The following MND1 variants were observed in gnomAD, a reference collection of about 807,000 sequenced individuals.
MND1 encodes meiotic nuclear divisions 1.
A neutral mutation model predicts 35.1 loss-of-function variants in MND1; 28 were observed. The observed-to-expected ratio is 0.80, with a 90% CI of 0.59 to 1.09. MND1 has a LOEUF of 1.09. MND1 is among the 50% of genes least tolerant of loss of function. The pLI is 0.00. For missense variants in MND1, 213 were observed against 239.6 expected (o/e 0.89, Z 0.73); for synonymous variants, 69 against 70.5 (o/e 0.98, Z 0.11).
intron 4 of MND1, among the ~76,000 whole-genome samples, chr4:153,368,084 G>A (rs1773701712): frequency 6.6e-6 from 1 of 152,114 alleles, no homozygotes; most frequent in Admixed American, 6.6e-5. Flanking sequence ...TCATCACTCA[G>A]CAAATTTTTA....
intron 4 of MND1, among the ~76,000 whole-genome samples, chr4:153,381,142 G>A (rs6836951): frequency 0.54 from 81,603 of 151,834 alleles, 23,970 homozygotes; most frequent in African/African-American, 0.8. Flanking sequence ...CTTGTGATCC[G>A]CCTGCCTCGG....
chr4:153,387,643 G>A (rs1048440998), intron 4 of MND1, among the ~76,000 whole-genome samples: 2 of 152,032 alleles, frequency 1.3e-5, no homozygotes, highest in African/African-American at 4.8e-5. Flanking sequence ...GTGCCTACCT[G>A]TAGTCGTAGC....
chr4:153,346,921 C>T (rs1773090286), intron 1 of MND1, among the ~76,000 whole-genome samples: 1 of 152,178 alleles, frequency 6.6e-6, no homozygotes, highest in East Asian at 1.9e-4. Context: ...TGCCCCGCAG[C>T]GCCCTTGACA....
rs1728675853 is a variant in MND1 at position 153,381,338 on chromosome 4, A to G, written c.277-12924A>G. On this transcript the variant is annotated intron_variant, in intron 4 of 7. Coordinates refer to ENST00000240488, the MANE Select transcript of MND1 (RefSeq NM_032117.4). ...AGATGAACCTGAGAAGGCTGACCCT[A>G]CAGCTATAGAATTCCCATTCCCAAA... Among the ~76,000 whole-genome samples, 3 of 151,866 alleles carry G rather than the reference A, an allele frequency of 2.0e-5. No homozygotes were observed. The South Asian group carries it at 6.2e-4, about 32-fold the overall frequency.
At chr4:153,358,450 G>C (rs1283857411) in intron 3 of MND1, 24 bp from the exon 4 acceptor site, 1 of 1,555,278 alleles carries the variant, frequency 6.4e-7, no homozygotes, top group South Asian at 1.3e-5. Flanking sequence ...TTCTAACATA[G>C]AGTCTTTAAA....
intron 4 of MND1, among the ~76,000 whole-genome samples, chr4:153,358,825 A>G (rs185620609): frequency 2.6e-5 from 4 of 152,264 alleles, no homozygotes; most frequent in Admixed American, 2.6e-4. Flanking sequence ...ATGTCAAGAT[A>G]TTGTTTTTGT....
chr4:153,361,380 T>C (rs1773486410), intron 4 of MND1: 3 of 439,712 alleles, frequency 6.8e-6, no homozygotes, highest in Admixed American at 2.5e-5. Flanking sequence ...TCATTCTGAT[T>C]GTCTTGTTTT....
At chr4:153,361,123 C>T (rs573238871) in intron 4 of MND1, among the ~76,000 whole-genome samples, 1 of 152,312 alleles carries the variant, frequency 6.6e-6, no homozygotes, top group African/African-American at 2.4e-5. Flanking sequence ...TGAGCCACTG[C>T]GACCGGCCTG....
chr4:153,397,230 C>T lies in MND1; in HGVS notation c.363C>T (p.Thr121=), dbSNP rs752594125. The part of the protein sequence containing the change: ...KIGRCETEER[T]RLAKELSSLR... ...TATCTGGAATGCAGGAAGAGCGAAC[C>T]AGGCTAGCAAAAGAGCTTTCTTCAC... The change falls in exon 6 of 8, where the codon ACC becomes ACT. Residue 121 remains threonine (T), a synonymous_variant. Coordinates refer to ENST00000240488, the MANE Select transcript of MND1 (RefSeq NM_032117.4). The T allele has an allele frequency of 4.3e-6, 7 of 1,610,448 alleles. No homozygotes were observed. In the Admixed American group the frequency reaches 8.4e-5, roughly 19 times the overall value.
intron 5 of MND1, among the ~76,000 whole-genome samples, chr4:153,395,378 A>T (rs1729169379): frequency 6.6e-6 from 1 of 152,172 alleles, no homozygotes; most frequent in Non-Finnish European, 1.5e-5. Flanking sequence ...CTGTTAATCC[A>T]CTGGAACAAG....
chr4:153,409,784 C>A (rs547388551), intron 7 of MND1, among the ~76,000 whole-genome samples: 73 of 151,610 alleles, frequency 4.8e-4, no homozygotes, highest in African/African-American at 1.5e-3. Flanking sequence ...TCTGAAATTG[C>A]AGTTTTATTT....
At chr4:153,395,315 C>A (rs1729168027) in intron 5 of MND1, among the ~76,000 whole-genome samples, 1 of 152,140 alleles carries the variant, frequency 6.6e-6, no homozygotes, top group Non-Finnish European at 1.5e-5. Context: ...ACTTGTAGAA[C>A]CACCTTCAAC....
rs1255310929 is a variant in MND1, at chr4:153,350,128, CAGTA to C, written c.69+3_69+6del. 1.8e-5 allele frequency: 29 copies of C among 1,602,132 alleles called. No homozygotes were observed. Among genetic ancestry groups the C allele is most frequent in the Non-Finnish European group, 2.4e-5 (28 of 1,173,750 alleles). On this transcript the variant is annotated splice_donor_variant and splice_donor_region_variant and coding_sequence_variant and intron_variant, in exon 2 of 8. Transcript: ENST00000240488. LOFTEE classifies it high-confidence loss of function. Reference sequence around the variant, plus strand: ...CGCATGATGGAAATATTTTCTGAAACAGTAAGTCATTTTCTTTAACACTTATAAT... The same window carrying C: ...CGCATGATGGAAATATTTTCTGAAACAGTCATTTTCTTTAACACTTATAAT...
intron 2 of MND1, among the ~76,000 whole-genome samples, chr4:153,353,727 T>C (rs1773275505): frequency 6.6e-6 from 1 of 151,966 alleles, no homozygotes; most frequent in East Asian, 1.9e-4. Flanking sequence ...ATTTCTAGGT[T>C]TTTTTGTTCT....
intron 4 of MND1, among the ~76,000 whole-genome samples, chr4:153,359,272 T>C (rs75181752): frequency 0.017 from 2,622 of 152,336 alleles, 70 homozygotes; most frequent in African/African-American, 0.057. Flanking sequence ...TTCCATATAG[T>C]TGGAATCATA....
At chr4:153,400,537 A>G (rs771935781) in intron 6 of MND1, among the ~76,000 whole-genome samples, 1 of 152,014 alleles carries the variant, frequency 6.6e-6, no homozygotes, top group Non-Finnish European at 1.5e-5. Context: ...ACAATTTAAA[A>G]TTAGCTGGTC....
At chr4:153,386,580 G>A (rs1268261977) in intron 4 of MND1, among the ~76,000 whole-genome samples, 1 of 152,158 alleles carries the variant, frequency 6.6e-6, no homozygotes, top group Admixed American at 6.5e-5. Flanking sequence ...GTCAGGCGTG[G>A]TGGCATACCC....
chr4:153,366,318 A>G (rs1243372693), intron 4 of MND1, among the ~76,000 whole-genome samples: 1 of 152,242 alleles, frequency 6.6e-6, no homozygotes, highest in African/African-American at 2.4e-5. Context: ...CACAGGTTCC[A>G]AGGATTGGGA....
Position 153,414,825 on chromosome 4 carries a change from G to T in MND1, c.586G>T (p.Gly196Ter). Residue 196 changes from glycine to a stop codon, truncating the protein, a stop_gained, in exon 8 of 8, where the codon GGA becomes TGA. Coordinates refer to ENST00000240488, the MANE Select transcript of MND1 (RefSeq NM_032117.4). LOFTEE classifies it high-confidence loss of function. ...AGAAAATAAAATTGATAGAACTTTT[G>T]GAATTCCAGAAGACTTTGACTACAT... ...FEENKIDRTFGIPEDFDYID is the reference protein window; with the variant it reads ...FEENKIDRTF 1 of 1,554,670 alleles carries T rather than the reference G, an allele frequency of 6.4e-7. No homozygotes were observed. The highest frequency in any genetic ancestry group is 1.2e-5 in the South Asian group (1 of 82,006).
Sources: gnomAD v4.1 joint callset for allele counts (sites outside exome capture counted in the v4.1 genomes callset) on GRCh38, gnomAD v4.1.1 for gene constraint, MANE v1.5 for transcripts, NCBI Gene and HGNC (gene_info 2026-07-23, HGNC 2026-07-21) for gene names.